CBLIF: variants seen among roughly 807,000 people sequenced by gnomAD.
CBLIF encodes gastric intrinsic factor (vitamin B synthesis).
Under a neutral mutation model 44.9 loss-of-function variants are expected in CBLIF, and 24 were observed. That is an observed-to-expected ratio of 0.53 (90% CI 0.39 to 0.75). The LOEUF (loss-of-function observed/expected upper bound fraction) is 0.75, where lower values mean the gene tolerates loss of function less well. Among genes scored for constraint, CBLIF ranks in the 30% least tolerant of loss-of-function variants. The pLI is 0.00. For synonymous variants in CBLIF, 183 were observed against 190.9 expected, an observed-to-expected ratio of 0.96 and a Z score of 0.34; for missense variants, 481 against 513.0, an observed-to-expected ratio of 0.94 and a Z score of 0.60.
intron 8 of CBLIF, among the ~76,000 whole-genome samples, chr11:59,830,238 T>C (rs866985933): frequency 0.028 from 4,150 of 147,526 alleles, 144 homozygotes; most frequent in African/African-American, 0.091. Flanking sequence ...ACTTTCTTTT[T>C]TTTTTTTTTT....
rs754274619 is a variant in CBLIF, at chr11:59,835,890, C to G, written c.991G>C (p.Glu331Gln). The change falls in exon 7 of 9, where the codon GAG (glutamate) becomes CAG (glutamine). Residue 331 changes from glutamate (E) to glutamine (Q), a missense_variant. Physicochemically the swap from Glu to Gln is conservative, Grantham distance 29. Transcript: ENST00000257248. ...QLRGVELLFN[E>Q]TINVSVKSGS... ...CTTTTCACACTAACATTGATGGTCT[C>G]GTTGAAGAGCAGCTCAACCCCCCTC... is the stretch of plus-strand genomic sequence containing the variant. 3.7e-6 allele frequency: 6 copies of G among 1,613,928 alleles called. No homozygotes were observed. The highest frequency in any genetic ancestry group is 5.1e-6 in the Non-Finnish European group (6 of 1,179,946).
chr11:59,834,234 CTTTCTTTTTCTTTCTT>C (rs1866412264), intron 7 of CBLIF, among the ~76,000 whole-genome samples: 1 of 149,100 alleles, frequency 6.7e-6, no homozygotes, highest in African/African-American at 2.5e-5. Context: ...TTCTTTCTTT[CTTTCTTTTTCTTTCTT>C]TCTTTCTTTC....
At chr11:59,831,326 C>G (rs1866370915) in intron 8 of CBLIF, among the ~76,000 whole-genome samples, 1 of 152,006 alleles carries the variant, frequency 6.6e-6, no homozygotes, top group African/African-American at 2.4e-5. Flanking sequence ...CACATTTGTC[C>G]TAGAGTTTGG....
At chr11:59,845,350 C>G (rs1866591048) in intron 1 of CBLIF, 25 bp downstream of exon 1, 1 of 1,609,042 alleles carries the variant, frequency 6.2e-7, no homozygotes. Context: ...CTTCCCTGAC[C>G]TCCTTGGAAA....
In CBLIF at chr11:59,836,001, C is replaced by T. The variant is rs140790747; in HGVS notation, c.880G>A (p.Val294Ile). ...GGGTTGCTGGGTAGAGTTGGTTGTA[C>T]CTCATGATCTGTGAAGGGCAAAGAG... ...PQVTCSPDHE[V>I]QPTLPSNPGP... The change falls in exon 7 of 9, where the codon GTA (valine) becomes ATA (isoleucine). Residue 294 changes from valine (V) to isoleucine (I), a missense_variant. By Grantham distance (29) the Val-to-Ile change is conservative. Transcript: ENST00000257248. 1.2e-6 allele frequency: 2 copies of T among 1,613,686 alleles called. No homozygotes were observed. Among genetic ancestry groups the T allele is most frequent in the South Asian group, 1.1e-5 (1 of 91,064 alleles).
At chr11:59,834,311 TCTTC>T (rs1214089354) in intron 7 of CBLIF, among the ~76,000 whole-genome samples, 58 of 35,570 alleles carry the variant, frequency 1.6e-3, no homozygotes, top group East Asian at 5.7e-3. Flanking sequence ...TTTCTTTCTT[TCTTC>T]CTTCCTTCCT....
chr11:59,831,842 G>A, intron 7 of CBLIF, 46 bp from the exon 8 acceptor site: 1 of 876,070 alleles, frequency 1.1e-6, no homozygotes, highest in East Asian at 2.4e-5. Context: ...TTAGGTCAGG[G>A]AATAAGCGGT....
chr11:59,835,848 C>G lies in CBLIF; in HGVS notation c.1033G>C (p.Val345Leu), dbSNP rs776509884. The part of the protein sequence containing the change: ...VSVKSGSVLL[V>L]VLEEAQRKNP... ...TTGCGCTGTGCTTCCTCTAGGACAACAAGTAACACTGACCCACTTTTCACA... is the reference window on the plus strand; with the variant it reads ...TTGCGCTGTGCTTCCTCTAGGACAAGAAGTAACACTGACCCACTTTTCACA... Residue 345 changes from valine (V) to leucine (L), a missense_variant, in exon 7 of 9, where the codon GTT becomes CTT. Coordinates refer to ENST00000257248, the MANE Select transcript of CBLIF (RefSeq NM_005142.3). The G allele has an allele frequency of 6.2e-7, 1 of 1,614,132 alleles. No individual in the cohort carries two copies. Among genetic ancestry groups the G allele is most frequent in the Admixed American group, 1.7e-5 (1 of 60,034 alleles).
chr11:59,843,126 T>C lies in CBLIF; in HGVS notation c.272A>G (p.Gln91Arg). The C allele has an allele frequency of 6.2e-7, 1 of 1,610,118 alleles. No individual in the cohort carries two copies. The highest frequency in any genetic ancestry group is 8.5e-7 in the Non-Finnish European group (1 of 1,176,384). The change falls in exon 3 of 9, where the codon CAG becomes CGG. Residue 91 changes from glutamine (Q) to arginine (R), a missense_variant. Physicochemically the swap from Gln to Arg is conservative, Grantham distance 43 (BLOSUM62 1). Coordinates refer to ENST00000257248, the MANE Select transcript of CBLIF (RefSeq NM_005142.3). ...SSDNNDLTIG[Q>R]LGLTIMALTS... Reference sequence around the variant, plus strand: ...GAGGGCCATGATGGTGAGGCCGAGCTGCCCAATGGTTAGATCTGCAGAGAA... The same window carrying C: ...GAGGGCCATGATGGTGAGGCCGAGCCGCCCAATGGTTAGATCTGCAGAGAA...
intron 2 of CBLIF, 135 bp from the exon 3 acceptor site, chr11:59,843,276 C>A (rs1438999583): frequency 1.9e-5 from 13 of 677,514 alleles, no homozygotes; most frequent in Admixed American, 1.3e-4. Flanking sequence ...TTTGATCTGT[C>A]TTTCCAAAGA....
intron 5 of CBLIF, among the ~76,000 whole-genome samples, chr11:59,838,271 G>A (rs1042442117): frequency 6.6e-6 from 1 of 152,022 alleles, no homozygotes; most frequent in Non-Finnish European, 1.5e-5. Flanking sequence ...GTTATCTATC[G>A]CATGAATAAA....
At chr11:59,844,510 T>C (rs1252854273) in intron 1 of CBLIF, among the ~76,000 whole-genome samples, 2 of 152,156 alleles carry the variant, frequency 1.3e-5, no homozygotes, top group Non-Finnish European at 2.9e-5. Context: ...ATGGAGAAAA[T>C]GGTGAGATTT....
At chr11:59,833,590 T>C (rs771805190) in intron 7 of CBLIF, among the ~76,000 whole-genome samples, 2 of 151,768 alleles carry the variant, frequency 1.3e-5, no homozygotes, top group Non-Finnish European at 2.9e-5. Context: ...GTTAGGGAAG[T>C]TATGGAGTCG....
intron 4 of CBLIF, among the ~76,000 whole-genome samples, chr11:59,842,005 G>C (rs1866537756): frequency 6.6e-6 from 1 of 152,190 alleles, no homozygotes; most frequent in Admixed American, 6.5e-5. Flanking sequence ...AGGGTTCCGA[G>C]AGTAGCTGTT....
At chr11:59,843,261 A>G (rs1842986296) in intron 2 of CBLIF, 120 bp from the exon 3 acceptor site, 1 of 703,100 alleles carries the variant, frequency 1.4e-6, no homozygotes, top group Non-Finnish European at 2.6e-6. Context: ...TAATATGAGC[A>G]GTTCTTTGAT....
intron 7 of CBLIF, 75 bp from the exon 8 acceptor site, chr11:59,831,871 C>T: frequency 1.3e-6 from 1 of 776,540 alleles, no homozygotes; most frequent in Non-Finnish European, 2.4e-6. Context: ...GGGATAGAGA[C>T]AGTCAATTAA....
chr11:59,831,593 G>C (rs1041608809), intron 8 of CBLIF, 85 bp downstream of exon 8: 1 of 738,880 alleles, frequency 1.4e-6, no homozygotes, highest in African/African-American at 1.8e-5. Flanking sequence ...TTAAGTGAAT[G>C]AATGAATAAA....
At chr11:59,840,399 A>T (rs1254610784) in intron 5 of CBLIF, among the ~76,000 whole-genome samples, 1 of 152,202 alleles carries the variant, frequency 6.6e-6, no homozygotes, top group Non-Finnish European at 1.5e-5. Flanking sequence ...GGATTCAGCC[A>T]CAGATGGTTG....
chr11:59,834,238 CTTTTTCTTTCTT>C (rs1366570532), intron 7 of CBLIF, among the ~76,000 whole-genome samples: 14 of 137,200 alleles, frequency 1.0e-4, no homozygotes, highest in African/African-American at 2.8e-4. Context: ...TTCTTTCTTT[CTTTTTCTTTCTT>C]TCTTTCTTTC....
Sources: allele counts gnomAD v4.1 joint callset (sites outside exome capture counted in the v4.1 genomes callset), GRCh38; gene constraint gnomAD v4.1.1; transcripts MANE v1.5; gene names NCBI Gene and HGNC (gene_info 2026-07-23, HGNC 2026-07-21).